The following SYCP2L variants were observed in gnomAD, a reference collection of about 807,000 sequenced individuals.
The protein encoded by SYCP2L is synaptonemal complex protein 2 like, also known as synaptonemal complex protein 2-like.
Under a neutral mutation model 125.8 loss-of-function variants are expected in SYCP2L, and 98 were observed. That is an observed-to-expected ratio of 0.78 (90% CI 0.66 to 0.92). The LOEUF is 0.92. Among genes scored for constraint, SYCP2L ranks in the 40% least tolerant of loss-of-function variants. The pLI, the probability that SYCP2L is intolerant of heterozygous loss-of-function variation, is 0.00. For missense variants in SYCP2L, 842 were observed against 936.4 expected (o/e 0.90, Z 1.32); for synonymous variants, 317 against 325.4 (o/e 0.97, Z 0.28).
At chr6:10,905,358 T>G (rs992691572) in intron 8 of SYCP2L, among the ~76,000 whole-genome samples, 1 of 151,638 alleles carries the variant, frequency 6.6e-6, no homozygotes, top group African/African-American at 2.4e-5. Flanking sequence ...AATGGCACGC[T>G]CTCGGCTCAC....
chr6:10,968,630 T>A (rs1469107394), intron 29 of SYCP2L, among the ~76,000 whole-genome samples: 2 of 152,108 alleles, frequency 1.3e-5, no homozygotes, highest in African/African-American at 4.8e-5. Context: ...GCTGAGGATA[T>A]TTGTTTGCTG....
chr6:10,920,125 T>C (rs1015276185), intron 14 of SYCP2L, among the ~76,000 whole-genome samples: 5 of 152,350 alleles, frequency 3.3e-5, no homozygotes, highest in African/African-American at 1.2e-4. Context: ...GTACATTGAC[T>C]GTTGTCTCAA....
At chr6:10,959,618 C>T (rs527570131) in intron 26 of SYCP2L, among the ~76,000 whole-genome samples, 1 of 152,192 alleles carries the variant, frequency 6.6e-6, no homozygotes, top group Non-Finnish European at 1.5e-5. Flanking sequence ...GCCTGTAATC[C>T]CGGTACTTTG....
intron 8 of SYCP2L, among the ~76,000 whole-genome samples, chr6:10,903,463 G>A (rs1246707909): frequency 6.6e-6 from 1 of 152,198 alleles, no homozygotes; most frequent in Non-Finnish European, 1.5e-5. Flanking sequence ...CAGGAGAATG[G>A]CGTGAACCTG....
chr6:10,911,885 G>A (rs1451833768), intron 12 of SYCP2L, among the ~76,000 whole-genome samples: 3 of 104,336 alleles, frequency 2.9e-5, no homozygotes, highest in Admixed American at 1.1e-4. Context: ...TGTTGTTGGG[G>A]AATAAAAGCT....
chr6:10,887,157 C>T (rs1486126286), intron 1 of SYCP2L, 22 bp downstream of exon 1: 2 of 1,613,928 alleles, frequency 1.2e-6, no homozygotes, highest in Admixed American at 1.7e-5. Flanking sequence ...CCGAAGGGCC[C>T]GGACCTTCTG....
Position 10,898,134 on chromosome 6 carries a change from C to A in SYCP2L, c.441+19C>A. On this transcript the variant is annotated intron_variant, in intron 5 of 29. Coordinates refer to ENST00000283141, the MANE Select transcript of SYCP2L (RefSeq NM_001040274.3). ...TGCATTGGTAAGGATGGGATGGATGCTTCACTGAGCAGATGCCATTGGTAA... is the reference window on the plus strand; with the variant it reads ...TGCATTGGTAAGGATGGGATGGATGATTCACTGAGCAGATGCCATTGGTAA... 6.5e-7 allele frequency: 1 copy of A among 1,526,986 alleles called. No individual in the cohort carries two copies. The highest frequency in any genetic ancestry group is 9.1e-7 in the Non-Finnish European group (1 of 1,101,002). 94.6% of individuals were successfully genotyped at this position (1,526,986 alleles called of 1,614,324 possible).
At chr6:10,932,335 C>T (rs939595604) in intron 20 of SYCP2L, among the ~76,000 whole-genome samples, 1 of 152,088 alleles carries the variant, frequency 6.6e-6, no homozygotes, top group African/African-American at 2.4e-5. Flanking sequence ...CAACTTTTGC[C>T]GTTTATTCAC....
At chr6:10,903,113 TA>T (rs1415633318) in intron 8 of SYCP2L, 150 bp downstream of exon 8, 4 of 668,562 alleles carry the variant, frequency 6.0e-6, no homozygotes, top group African/African-American at 1.8e-5. Context: ...GGCACTATGC[TA>T]GGTGATAAAG....
intron 4 of SYCP2L, among the ~76,000 whole-genome samples, chr6:10,896,193 G>A (rs1223254555): frequency 2.0e-5 from 3 of 152,132 alleles, no homozygotes; most frequent in Non-Finnish European, 4.4e-5. Context: ...GTCCTGTACC[G>A]TAAAATCCAG....
Position 10,902,862 on chromosome 6 carries a change from C to G in SYCP2L, c.553-13C>G. The G allele has an allele frequency of 1.2e-6, 2 of 1,613,676 alleles. No individual in the cohort carries two copies. Among genetic ancestry groups the G allele is most frequent in the South Asian group, 1.1e-5 (1 of 91,050 alleles). ...TCTTTCTTCTCCATGAATGTCTTCT[C>G]AATTCCAAAAAGGGCTTGAAGACTT... is the stretch of plus-strand genomic sequence containing the variant. On this transcript the variant is annotated splice_polypyrimidine_tract_variant and intron_variant, in intron 7 of 29. Transcript: ENST00000283141.
At chr6:10,909,526 T>G (rs1780569249) in intron 10 of SYCP2L, among the ~76,000 whole-genome samples, 1 of 152,230 alleles carries the variant, frequency 6.6e-6, no homozygotes, top group African/African-American at 2.4e-5. Context: ...AACAGTCAAT[T>G]CTTGCTAACA....
intron 10 of SYCP2L, among the ~76,000 whole-genome samples, chr6:10,907,892 G>GTTTTTTTTTTTTTTTTTTT (rs551103839): frequency 0.064 from 5,860 of 91,628 alleles, 1,189 homozygotes; most frequent in Non-Finnish European, 0.083. Flanking sequence ...ATACAGATAG[G>GTTTTTTTTTTTTTTTTTTT]TTTTTTTTTT....
intron 29 of SYCP2L, among the ~76,000 whole-genome samples, chr6:10,966,582 T>G (rs893989113): frequency 6.6e-6 from 1 of 152,200 alleles, no homozygotes; most frequent in Non-Finnish European, 1.5e-5. Flanking sequence ...TTTTTGAAAC[T>G]TGACCAGCTG....
chr6:10,942,761 CTT>C lies in SYCP2L; in HGVS notation c.1954+30_1954+31del, dbSNP rs34079965. ...GGAAGACAAAGGTAAGAGAATAGTA[CTT>C]TTTTTTTTTTTTTTGCAGAATAAAA... On this transcript the variant is annotated intron_variant, in intron 23 of 29. Coordinates refer to ENST00000283141, the MANE Select transcript of SYCP2L (RefSeq NM_001040274.3). 83,676 of 1,344,616 alleles carry C rather than the reference CTT, an allele frequency of 0.062. 117 individuals are homozygous for C. Among genetic ancestry groups the C allele is most frequent in the African/African-American group, 0.1 (6,463 of 64,454 alleles). The allele number at this position is 1,344,616 out of a possible 1,614,324, so 83.3% of individuals were successfully genotyped here. A position where few individuals can be genotyped will look rare whatever the true frequency, so the allele number is the denominator to read the frequency against.
In SYCP2L at chr6:10,907,892, G is replaced by GTTT. The variant is rs551103839; in HGVS notation, c.819+224_819+226dup. The stretch of plus-strand genomic sequence containing the variant: ...GAGCTAGATATAGGGATACAGATAG[G>GTTT]TTTTTTTTTTTTTTTTTTGACAGAG... On this transcript the variant is annotated intron_variant, in intron 10 of 29. Transcript: ENST00000283141. Among the ~76,000 whole-genome samples, 100 of 91,926 alleles carry GTTT rather than the reference G, an allele frequency of 1.1e-3. 12 individuals are homozygous for GTTT. The highest frequency in any genetic ancestry group is 3.0e-3 in the South Asian group (7 of 2,340). The allele number at this position is 91,926 out of a possible 152,430, so 60.3% of individuals were successfully genotyped here. A position where few individuals can be genotyped will look rare whatever the true frequency, so the allele number is the denominator to read the frequency against.
At chr6:10,968,902 A>T (rs1027134458) in intron 29 of SYCP2L, among the ~76,000 whole-genome samples, 1 of 152,198 alleles carries the variant, frequency 6.6e-6, no homozygotes, top group African/African-American at 2.4e-5. Flanking sequence ...CCATCAGCTG[A>T]TGGTGGTACC....
At chr6:10,960,166 G>A (rs1581845037) in intron 26 of SYCP2L, among the ~76,000 whole-genome samples, 1 of 152,310 alleles carries the variant, frequency 6.6e-6, no homozygotes, top group East Asian at 1.9e-4. Context: ...AGAATGGCCT[G>A]TAAATGAAGG....
At chr6:10,900,325 C>G (rs1398463513) in intron 6 of SYCP2L, among the ~76,000 whole-genome samples, 1 of 144,756 alleles carries the variant, frequency 6.9e-6, no homozygotes, top group Non-Finnish European at 1.5e-5. Context: ...GACAGAGAGC[C>G]AGAGCCAGAG....
Sources: gnomAD v4.1 joint callset for allele counts (sites outside exome capture counted in the v4.1 genomes callset) on GRCh38, gnomAD v4.1.1 for gene constraint, MANE v1.5 for transcripts, NCBI Gene and HGNC (gene_info 2026-07-23, HGNC 2026-07-21) for gene names.